The following CADPS variants were observed in gnomAD, a reference collection of about 807,000 sequenced individuals.
The protein encoded by CADPS is calcium dependent secretion activator.
In CADPS, 57 loss-of-function variants were observed where a neutral mutation model predicts 167.3. That is an observed-to-expected ratio of 0.34 (90% CI 0.28 to 0.42). CADPS has a LOEUF of 0.42. Among genes scored for constraint, CADPS ranks in the 20% least tolerant of loss-of-function variants. The pLI, the probability that CADPS is intolerant of heterozygous loss-of-function variation, is 1.00. For missense variants in CADPS, 1,414 were observed against 1,738.1 expected (o/e 0.81, Z 3.32); for synonymous variants, 676 against 635.3 (o/e 1.06, Z -0.96).
intron 1 of CADPS, among the ~76,000 whole-genome samples, chr3:62,786,580 G>C (rs768228842): frequency 6.6e-6 from 1 of 152,136 alleles, no homozygotes; most frequent in Non-Finnish European, 1.5e-5. Context: ...AGGAGTTCGA[G>C]GTTAAAGTGA....
chr3:62,474,535 C>T lies in CADPS; in HGVS notation c.3330-215G>A, dbSNP rs2061026753. Among the ~76,000 whole-genome samples the T allele has an allele frequency of 2.6e-5, 4 of 152,098 alleles. No individual in the cohort carries two copies. In the South Asian group the frequency reaches 8.3e-4, roughly 32 times the overall value. ...GCACACCCTTCCTTTCCGGCAGTAC[C>T]CGGAACACTTGTAGCTTGGCGTATT... On this transcript the variant is annotated intron_variant, in intron 23 of 29. Transcript: ENST00000383710.
At chr3:62,669,657 G>A (rs1169214979) in intron 3 of CADPS, among the ~76,000 whole-genome samples, 1 of 152,134 alleles carries the variant, frequency 6.6e-6, no homozygotes, top group African/African-American at 2.4e-5. Flanking sequence ...GCAATCCTAG[G>A]AAAGTGATTG....
Position 62,458,003 on chromosome 3 carries a change from C to G in CADPS, c.3636+7364G>C, listed in dbSNP as rs924211790. On this transcript the variant is annotated intron_variant, in intron 26 of 29. Transcript: ENST00000383710. The surrounding 1 kb of genome is among the most constrained non-coding windows in gnomAD (Gnocchi z 4.6). ...GTAGATGACGGGTTGATGGGTGCAG[C>G]AAACCACCATGGCACATGTATACCT... is the stretch of plus-strand genomic sequence containing the variant. 6.6e-6 allele frequency among the ~76,000 whole-genome samples: 1 copy of G among 152,080 alleles called. No homozygotes were observed. Among genetic ancestry groups the G allele is most frequent in the East Asian group, 1.9e-4 (1 of 5,190 alleles).
intron 6 of CADPS, among the ~76,000 whole-genome samples, chr3:62,596,287 C>A (rs1440089664): frequency 6.6e-6 from 1 of 151,700 alleles, no homozygotes; most frequent in East Asian, 1.9e-4. Context: ...CCTCTGCCTC[C>A]CGGGTACAAG....
At chr3:62,658,184 C>T (rs1390265144) in intron 4 of CADPS, among the ~76,000 whole-genome samples, 1 of 152,118 alleles carries the variant, frequency 6.6e-6, no homozygotes, top group African/African-American at 2.4e-5. Context: ...TAGTTGTGTG[C>T]ACTTGAACAT....
At position 62,544,895 on chromosome 3, in the gene CADPS, A is replaced by G; in HGVS notation, c.1966+5008T>C. 1.6e-6 allele frequency: 2 copies of G among 1,219,582 alleles called. No homozygotes were observed. The highest frequency in any genetic ancestry group is 2.1e-6 in the Non-Finnish European group (2 of 953,156). 75.5% of individuals were successfully genotyped at this position (1,219,582 alleles called of 1,614,324 possible). ...GCAGGGTAAGAAGGAACAAACCAGA[A>G]TAACATAAAGACTAGCAACAAGGCT... On this transcript the variant is annotated intron_variant, in intron 11 of 29. Transcript: ENST00000383710. This position sits in a 1 kb window ranked among gnomAD's most constrained non-coding sequence, Gnocchi z 4.4.
chr3:62,807,849 A>G (rs2094180350), intron 1 of CADPS, among the ~76,000 whole-genome samples: 1 of 151,306 alleles, frequency 6.6e-6, no homozygotes, highest in African/African-American at 2.4e-5. Flanking sequence ...TTTAGGTACT[A>G]CCAACTTGGT....
chr3:62,729,518 C>G (rs552686881), intron 3 of CADPS, among the ~76,000 whole-genome samples: 1 of 151,958 alleles, frequency 6.6e-6, no homozygotes, highest in African/African-American at 2.4e-5. Flanking sequence ...TCAGAGAGAC[C>G]TTGGATGAAA....
chr3:62,474,151 G>GTCTTTTTTTT, intron 24 of CADPS, 22 bp downstream of exon 24: 1 of 496,850 alleles, frequency 2.0e-6, no homozygotes, highest in Non-Finnish European at 2.7e-6. Context: ...AAAAAAATCT[G>GTCTTTTTTTT]TATTTTTTTT....
chr3:62,648,709 G>T (rs937572725), intron 5 of CADPS, among the ~76,000 whole-genome samples: 1 of 33,408 alleles, frequency 3.0e-5, no homozygotes, highest in African/African-American at 7.9e-5. Flanking sequence ...AAAAAAAGAG[G>T]AAAGAAAATT....
rs575230005 is a variant in CADPS, at chr3:62,611,141, A to G, written c.1326-18393T>C. Reference sequence around the variant, plus strand: ...CCCCACTGTCTCATAGGCACCCCACATAACACTCGGCTTCTGATCTTCCCC... The same window carrying G: ...CCCCACTGTCTCATAGGCACCCCACGTAACACTCGGCTTCTGATCTTCCCC... On this transcript the variant is annotated intron_variant, in intron 6 of 29. Transcript: ENST00000383710. Among the ~76,000 whole-genome samples the G allele has an allele frequency of 1.5e-3, 230 of 152,232 alleles. 1 individual carries two copies. The highest frequency in any genetic ancestry group is 1.9e-3 in the Non-Finnish European group (130 of 68,016).
intron 1 of CADPS, among the ~76,000 whole-genome samples, chr3:62,817,282 A>G (rs2094667401): frequency 6.6e-6 from 1 of 152,144 alleles, no homozygotes; most frequent in Admixed American, 6.6e-5. Flanking sequence ...AGTATTGAGA[A>G]AGGTATATTT....
At chr3:62,589,129 A>G (rs1422174801) in intron 7 of CADPS, among the ~76,000 whole-genome samples, 2 of 152,236 alleles carry the variant, frequency 1.3e-5, no homozygotes, top group Non-Finnish European at 2.9e-5. Flanking sequence ...GAAACAAACC[A>G]AAAAGTGGTT....
chr3:62,866,698 TG>T (rs1402455754), intron 1 of CADPS, among the ~76,000 whole-genome samples: 1 of 152,120 alleles, frequency 6.6e-6, no homozygotes, highest in African/African-American at 2.4e-5. Flanking sequence ...TATTGTAGTC[TG>T]AAATACTGTG....
chr3:62,531,697 T>C (rs28660006), intron 13 of CADPS, among the ~76,000 whole-genome samples: 2,666 of 152,292 alleles, frequency 0.018, 29 homozygotes, highest in Non-Finnish European at 0.028. Flanking sequence ...ACCTAGTGTT[T>C]CCTGGGTGTG....
chr3:62,436,647 G>T (rs1576016129), intron 28 of CADPS, among the ~76,000 whole-genome samples: 1 of 152,316 alleles, frequency 6.6e-6, no homozygotes, highest in East Asian at 1.9e-4. Context: ...ATTCTCAGTG[G>T]ATGTGGGTCA....
intron 1 of CADPS, among the ~76,000 whole-genome samples, chr3:62,873,040 T>A (rs906904967): frequency 1.3e-5 from 2 of 152,224 alleles, no homozygotes; most frequent in African/African-American, 4.8e-5. Context: ...TCTCTGAGGA[T>A]ACTTTTGCTC....
intron 28 of CADPS, chr3:62,404,386 C>T (rs1478212668): frequency 3.3e-5 from 5 of 152,654 alleles, no homozygotes; most frequent in Non-Finnish European, 7.3e-5. Flanking sequence ...TCCACCCTTT[C>T]TCACCTAAAG....
rs1420877934 is a variant in CADPS at position 62,599,761 on chromosome 3, T to A, written c.1326-7013A>T. 7.2e-4 allele frequency among the ~76,000 whole-genome samples: 9 copies of A among 12,432 alleles called. No homozygotes were observed. The East Asian group carries it at 0.01, about 14-fold the overall frequency. 8.2% of individuals were successfully genotyped at this position (12,432 alleles called of 152,430 possible). On this transcript the variant is annotated intron_variant, in intron 6 of 29. Coordinates refer to ENST00000383710, the MANE Select transcript of CADPS (RefSeq NM_003716.4). ...AATATATATAATCTATTATATATAT[T>A]GTATATATAATATATATATTATATA... is the stretch of plus-strand genomic sequence containing the variant.
Sources: allele counts gnomAD v4.1 joint callset (sites outside exome capture counted in the v4.1 genomes callset), GRCh38; gene constraint gnomAD v4.1.1; non-coding constraint Gnocchi (gnomAD v3.1); transcripts MANE v1.5; gene names NCBI Gene and HGNC (gene_info 2026-07-23, HGNC 2026-07-21).